The following RSBN1L variants were observed in gnomAD, a reference collection of about 807,000 sequenced individuals.
RSBN1L encodes the protein lysine-specific demethylase RSBN1L.
A neutral mutation model predicts 67.7 loss-of-function variants in RSBN1L; 30 were observed. The observed-to-expected ratio is 0.44, with a 90% CI of 0.33 to 0.60. RSBN1L has a LOEUF of 0.60. Among genes scored for constraint, RSBN1L ranks in the 20% least tolerant of loss-of-function variants. The probability of loss-of-function intolerance (pLI) is 0.02; values close to 1 mark genes in which losing one functional copy is unlikely to be tolerated. For missense variants in RSBN1L, 992 were observed against 1,031.7 expected (o/e 0.96, Z 0.53); for synonymous variants, 433 against 387.0 (o/e 1.12, Z -1.39).
intron 3 of RSBN1L, among the ~76,000 whole-genome samples, chr7:77,759,294 G>A (rs899912772): frequency 2.0e-5 from 3 of 152,052 alleles, no homozygotes; most frequent in South Asian, 2.1e-4. Flanking sequence ...ACAAAATATC[G>A]TGTCAGGGAC....
chr7:77,739,732 A>AT (rs1361087323), intron 2 of RSBN1L, among the ~76,000 whole-genome samples: 22 of 126,846 alleles, frequency 1.7e-4, no homozygotes, highest in African/African-American at 6.5e-4. Context: ...AAAAAAAAAA[A>AT]ATGTGTCTTT....
chr7:77,703,818 C>T (rs1447583186), intron 1 of RSBN1L, among the ~76,000 whole-genome samples: 1 of 152,052 alleles, frequency 6.6e-6, no homozygotes, highest in East Asian at 1.9e-4. Flanking sequence ...AGACAGGAAT[C>T]TTGCTCTGTT....
chr7:77,701,189 CAAA>C (rs1227412677), intron 1 of RSBN1L, among the ~76,000 whole-genome samples: 1 of 132,746 alleles, frequency 7.5e-6, no homozygotes, highest in East Asian at 2.1e-4. Flanking sequence ...ACAACAACAA[CAAA>C]AAAAAACGAC....
At chr7:77,770,549 G>A (rs912249849) in intron 5 of RSBN1L, among the ~76,000 whole-genome samples, 2 of 152,000 alleles carry the variant, frequency 1.3e-5, no homozygotes, top group African/African-American at 4.8e-5. Flanking sequence ...CCAATGTGGT[G>A]GTACATGCCC....
intron 1 of RSBN1L, among the ~76,000 whole-genome samples, chr7:77,726,613 C>CT (rs1444283009): frequency 6.6e-6 from 1 of 151,756 alleles, no homozygotes; most frequent in African/African-American, 2.4e-5. Context: ...ATCCCATCTA[C>CT]TTTTTTTTGT....
At chr7:77,746,033 T>C (rs1437040238) in intron 2 of RSBN1L, among the ~76,000 whole-genome samples, 1 of 152,206 alleles carries the variant, frequency 6.6e-6, no homozygotes, top group Non-Finnish European at 1.5e-5. Flanking sequence ...CTTCGCTGGC[T>C]CGCCCACTGC....
intron 1 of RSBN1L, among the ~76,000 whole-genome samples, chr7:77,722,328 C>T (rs1311521451): frequency 6.6e-6 from 1 of 151,938 alleles, no homozygotes; most frequent in East Asian, 1.9e-4. Context: ...AGAGGAATGC[C>T]TAGGAGAGAT....
intron 1 of RSBN1L, among the ~76,000 whole-genome samples, chr7:77,733,599 A>G (rs1397278956): frequency 6.6e-6 from 1 of 151,956 alleles, no homozygotes; most frequent in Admixed American, 6.6e-5. Flanking sequence ...AATTAAATAT[A>G]TTCAATATGT....
At chr7:77,703,838 G>A (rs1217427875) in intron 1 of RSBN1L, among the ~76,000 whole-genome samples, 1 of 152,042 alleles carries the variant, frequency 6.6e-6, no homozygotes, top group African/African-American at 2.4e-5. Context: ...TGCCCAGGTT[G>A]GAATGCAGTG....
chr7:77,745,330 TAGTG>T (rs1034188647), intron 2 of RSBN1L, among the ~76,000 whole-genome samples: 2 of 152,148 alleles, frequency 1.3e-5, no homozygotes, highest in Non-Finnish European at 2.9e-5. Flanking sequence ...GGTAGTCTGT[TAGTG>T]AGACAGATTT....
chr7:77,746,550 C>T (rs539429268), intron 2 of RSBN1L, among the ~76,000 whole-genome samples: 61 of 152,298 alleles, frequency 4.0e-4, no homozygotes, highest in Admixed American at 2.2e-3. Flanking sequence ...CCCCTGGCCC[C>T]TCCCAAATAT....
At chr7:77,713,218 A>G (rs1004182465) in intron 1 of RSBN1L, among the ~76,000 whole-genome samples, 3 of 151,714 alleles carry the variant, frequency 2.0e-5, no homozygotes, top group South Asian at 2.1e-4. Context: ...TACTGTTGCA[A>G]TTTTTTTCTC....
chr7:77,696,524 A>G lies in RSBN1L; in HGVS notation c.55A>G (p.Thr19Ala), dbSNP rs756740931. Reference sequence around the variant, plus strand: ...TGTCGCTGCCGCGGCCCCCACCGCCACCGTCTCGGAGAAAGAACCGTTTGG... The same window carrying G: ...TGTCGCTGCCGCGGCCCCCACCGCCGCCGTCTCGGAGAAAGAACCGTTTGG... ...HCVAAAAPTA[T>A]VSEKEPFGKL... Residue 19 changes from threonine to alanine, a missense_variant, in exon 1 of 8, where the codon ACC (threonine) becomes GCC (alanine). Physicochemically the swap from Thr to Ala is moderately conservative, Grantham distance 58. Transcript: ENST00000334955. 1.8e-5 allele frequency: 29 copies of G among 1,613,634 alleles called. No homozygotes were observed. Among genetic ancestry groups the G allele is most frequent in the Non-Finnish European group, 2.4e-5 (28 of 1,179,950 alleles).
intron 1 of RSBN1L, among the ~76,000 whole-genome samples, chr7:77,720,586 A>C (rs1791102297): frequency 6.6e-6 from 1 of 152,106 alleles, no homozygotes; most frequent in African/African-American, 2.4e-5. Context: ...GACAAGTGTT[A>C]TTATCTATAC....
intron 2 of RSBN1L, among the ~76,000 whole-genome samples, chr7:77,747,005 G>C (rs10233055): frequency 6.6e-6 from 1 of 151,926 alleles, no homozygotes; most frequent in Non-Finnish European, 1.5e-5. Context: ...TGGTATTGAG[G>C]GCTTGAGGCT....
At chr7:77,701,840 A>G (rs910719501) in intron 1 of RSBN1L, among the ~76,000 whole-genome samples, 1 of 151,144 alleles carries the variant, frequency 6.6e-6, no homozygotes, top group African/African-American at 2.4e-5. Flanking sequence ...TTTAGTAGAG[A>G]TGGGGTTCCT....
chr7:77,768,394 C>T (rs1205270829), intron 4 of RSBN1L: 1 of 300,924 alleles, frequency 3.3e-6, no homozygotes, highest in African/African-American at 2.1e-5. Context: ...GGAAGAATAA[C>T]AAATGATGAA....
In RSBN1L at chr7:77,696,928, T is replaced by C; in HGVS notation, c.459T>C (p.Ala153=). The change falls in exon 1 of 8, where the codon GCT becomes GCC. Residue 153 remains alanine (A), a synonymous_variant. Transcript: ENST00000334955. ...CCGCCGCCGCCGCCGCTGCCTCGGC[T>C]AACGCCAAGTCGCGCAGACCTAAGG... ...LLPAAAAAAS[A]NAKSRRPKEK... 6.2e-7 allele frequency: 1 copy of C among 1,601,040 alleles called. No individual in the cohort carries two copies.
In RSBN1L at chr7:77,696,515, C is replaced by T; in HGVS notation, c.46C>T (p.Pro16Ser). 1 of 1,613,718 alleles carries T rather than the reference C, an allele frequency of 6.2e-7. No individual in the cohort carries two copies. ...SPVHCVAAAA[P>S]TATVSEKEPF... ...CGTGCACTGTGTCGCTGCCGCGGCC[C>T]CCACCGCCACCGTCTCGGAGAAAGA... The change falls in exon 1 of 8, where the codon CCC (proline) becomes TCC (serine). Residue 16 changes from proline (P) to serine (S), a missense_variant. Physicochemically the swap from Pro to Ser is moderately conservative, Grantham distance 74 (BLOSUM62 -1). Coordinates refer to ENST00000334955, the MANE Select transcript of RSBN1L (RefSeq NM_198467.3).
Sources: allele counts gnomAD v4.1 joint callset (sites outside exome capture counted in the v4.1 genomes callset), GRCh38; gene constraint gnomAD v4.1.1; transcripts MANE v1.5; gene names NCBI Gene and HGNC (gene_info 2026-07-23, HGNC 2026-07-21).